The following DAPK1 variants were observed in gnomAD, a reference collection of about 807,000 sequenced individuals.
DAPK1 encodes death-associated protein kinase 1.
DAPK1 carries 56 observed loss-of-function variants against 144.9 expected under a neutral mutation model. That is an observed-to-expected ratio of 0.39 (90% CI 0.31 to 0.48). The LOEUF is 0.48. DAPK1 is among the 20% of genes least tolerant of loss of function. DAPK1 has a pLI of 0.95. For missense variants in DAPK1, 1,454 were observed against 1,875.4 expected (o/e 0.78, Z 4.15); for synonymous variants, 690 against 749.0 (o/e 0.92, Z 1.29).
intron 2 of DAPK1, chr9:87,525,314 CA>C: frequency 6.2e-7 from 1 of 1,608,630 alleles, no homozygotes; most frequent in Non-Finnish European, 8.5e-7. Context: ...GGGTCACCAG[CA>C]GCTGTACTGG....
chr9:87,651,241 A>G (rs184732728), intron 16 of DAPK1, among the ~76,000 whole-genome samples: 2 of 152,366 alleles, frequency 1.3e-5, no homozygotes, highest in East Asian at 1.9e-4. Context: ...TGGAGTATCA[A>G]CAATTACTTA....
intron 20 of DAPK1, among the ~76,000 whole-genome samples, chr9:87,683,178 G>A (rs1824707086): frequency 6.6e-6 from 1 of 151,594 alleles, no homozygotes; most frequent in Admixed American, 6.6e-5. Context: ...CGCCTCCTGG[G>A]TTCAAGTGAT....
chr9:87,511,824 C>T (rs1450934584), intron 2 of DAPK1, among the ~76,000 whole-genome samples: 1 of 151,880 alleles, frequency 6.6e-6, no homozygotes, highest in African/African-American at 2.4e-5. Context: ...GATTCTCCTG[C>T]CTCAACCTCC....
In DAPK1 at chr9:87,513,368, TGGAGTTCAGCCAA is replaced by T. The variant is rs1446167115; in HGVS notation, c.62+14234_62+14246del. ...AGATGAAGCATGGAAAAATGTTTTT[TGGAGTTCAGCCAA>T]GGAGAGCGTTTTGACTTGGAGGTTT... is the stretch of plus-strand genomic sequence containing the variant. On this transcript the variant is annotated intron_variant, in intron 2 of 25. Transcript: ENST00000408954. Among the ~76,000 whole-genome samples the T allele has an allele frequency of 2.0e-5, 3 of 152,226 alleles. No individual in the cohort carries two copies. The South Asian group carries it at 6.2e-4, about 32-fold the overall frequency.
At chr9:87,660,125 G>A (rs1349740167) in intron 18 of DAPK1, among the ~76,000 whole-genome samples, 7 of 152,162 alleles carry the variant, frequency 4.6e-5, no homozygotes, top group Admixed American at 2.6e-4. Flanking sequence ...GTTCAGGACC[G>A]GAGCTCAGCG....
chr9:87,522,659 G>A (rs1825342559), intron 2 of DAPK1, among the ~76,000 whole-genome samples: 1 of 152,206 alleles, frequency 6.6e-6, no homozygotes, highest in Admixed American at 6.5e-5. Flanking sequence ...CCTAGAAGTG[G>A]AATTGCTGGA....
At chr9:87,524,397 C>T (rs1109865) in intron 2 of DAPK1, among the ~76,000 whole-genome samples, 3 of 152,118 alleles carry the variant, frequency 2.0e-5, no homozygotes, top group South Asian at 2.1e-4. Flanking sequence ...CAGGCTGCAG[C>T]GGACATAGAG....
At chr9:87,657,818 AT>A in intron 17 of DAPK1, 1 of 569,456 alleles carries the variant, frequency 1.8e-6, no homozygotes, top group Non-Finnish European at 3.2e-6. Flanking sequence ...TTGAAGTTGT[AT>A]TTTGAAGCTC....
rs117269616 is a variant in DAPK1, at chr9:87,658,077, G to A, written c.1873G>A (p.Val625Met). 179 of 1,550,356 alleles carry A rather than the reference G, an allele frequency of 1.2e-4. No homozygotes were observed. The East Asian group carries it at 2.1e-3, about 18-fold the overall frequency. The change falls in exon 18 of 26, where the codon GTG becomes ATG. Residue 625 changes from valine (V) to methionine (M), a missense_variant. By Grantham distance (21) the Val-to-Met change is conservative. This residue lies in a region of DAPK1 where 1,025 missense variants were observed against 1,237.9 expected (regional missense o/e 0.83). Coordinates refer to ENST00000408954, the MANE Select transcript of DAPK1 (RefSeq NM_004938.4). ...HLAANNGILD[V>M]VRYLCLMGAS... ...TGCGGCCAACAACGGAATCCTAGAC[G>A]TGGTCCGGTATCTCTGTCTGATGGG...
At chr9:87,573,480 A>AG (rs1827438005) in intron 2 of DAPK1, among the ~76,000 whole-genome samples, 1 of 152,162 alleles carries the variant, frequency 6.6e-6, no homozygotes. Flanking sequence ...GCAGAGAGGG[A>AG]GGGAGGGGTG....
chr9:87,707,820 C>T lies in DAPK1; in HGVS notation c.*456C>T, dbSNP rs546175259. 8.8e-6 allele frequency: 4 copies of T among 456,894 alleles called. No individual in the cohort carries two copies. In the East Asian group the frequency reaches 2.8e-4, roughly 32 times the overall value. The allele number at this position is 456,894 out of a possible 1,614,324, so 28.3% of individuals were successfully genotyped here. On this transcript the variant is annotated 3_prime_UTR_variant, in exon 26 of 26. Transcript: ENST00000408954. The surrounding 1 kb of genome is among the most constrained non-coding windows in gnomAD (Gnocchi z 4.0). Reference sequence around the variant, plus strand: ...TTGTTATACCATTTCCTCAGCTTATCTCTTTTATATTTGTAGGAGAAACTC... The same window carrying T: ...TTGTTATACCATTTCCTCAGCTTATTTCTTTTATATTTGTAGGAGAAACTC...
intron 2 of DAPK1, among the ~76,000 whole-genome samples, chr9:87,579,048 G>T (rs1056701021): frequency 2.6e-5 from 4 of 152,190 alleles, no homozygotes; most frequent in Non-Finnish European, 5.9e-5. Flanking sequence ...CTGGGATATT[G>T]CAGCAAAAGG....
chr9:87,670,185 A>G (rs958983534), intron 19 of DAPK1, among the ~76,000 whole-genome samples: 2 of 152,106 alleles, frequency 1.3e-5, no homozygotes, highest in African/African-American at 4.8e-5. Context: ...CAAAACAAGC[A>G]GGGGCAAGGG....
At chr9:87,643,509 TG>T in intron 11 of DAPK1, 41 bp downstream of exon 11, 1 of 1,243,232 alleles carries the variant, frequency 8.0e-7, no homozygotes. Context: ...TTCTTAGCAC[TG>T]GGTACTCAGA....
chr9:87,600,321 C>T (rs1321293668), intron 2 of DAPK1, among the ~76,000 whole-genome samples: 2 of 152,222 alleles, frequency 1.3e-5, no homozygotes, highest in Admixed American at 6.5e-5. Context: ...TGCAGTGACT[C>T]ATGCCTGTAA....
chr9:87,498,747 C>T (rs925764468), intron 1 of DAPK1: 6 of 429,902 alleles, frequency 1.4e-5, no homozygotes, highest in East Asian at 3.3e-5. Flanking sequence ...GGACGCCGAC[C>T]TCGGGGTGCC....
chr9:87,579,465 A>T (rs1827676373), intron 2 of DAPK1, among the ~76,000 whole-genome samples: 1 of 152,176 alleles, frequency 6.6e-6, no homozygotes, highest in Non-Finnish European at 1.5e-5. Flanking sequence ...ACCCTTCCAG[A>T]AGAAGCTCTG....
intron 2 of DAPK1, among the ~76,000 whole-genome samples, chr9:87,559,062 T>C (rs1215786399): frequency 2.6e-5 from 4 of 152,110 alleles, no homozygotes; most frequent in Admixed American, 1.3e-4. Flanking sequence ...ATCTCCTCCT[T>C]CTCCCCAACA....
At chr9:87,605,654 A>G (rs1012333791) in intron 3 of DAPK1, among the ~76,000 whole-genome samples, 2 of 152,140 alleles carry the variant, frequency 1.3e-5, no homozygotes, top group Non-Finnish European at 1.5e-5. Context: ...AACACTAATT[A>G]TATGAATGGG....
Sources: gnomAD v4.1 joint callset for allele counts (sites outside exome capture counted in the v4.1 genomes callset) on GRCh38, gnomAD v4.1.1 for gene constraint, gnomAD v4.1.1 regional missense constraint, Gnocchi (gnomAD v3.1) non-coding constraint, MANE v1.5 for transcripts, NCBI Gene and HGNC (gene_info 2026-07-23, HGNC 2026-07-21) for gene names.